Variants in ELMO1 observed in about 807,000 individuals in gnomAD.
The protein encoded by ELMO1 is engulfment and cell motility 1, also known as engulfment and cell motility protein 1.
A neutral mutation model predicts 98.9 loss-of-function variants in ELMO1; 26 were observed. The observed-to-expected ratio is 0.26, with a 90% CI of 0.19 to 0.36. The LOEUF is 0.36. Among genes scored for constraint, ELMO1 ranks in the 10% least tolerant of loss-of-function variants. The pLI is 1.00. For synonymous variants in ELMO1, 346 were observed against 346.0 expected (o/e 1.00, Z 0.00); for missense variants, 627 against 935.2 (o/e 0.67, Z 4.30).
At chr7:37,327,491 G>A (rs1322899608) in intron 2 of ELMO1, among the ~76,000 whole-genome samples, 1 of 152,242 alleles carries the variant, frequency 6.6e-6, no homozygotes, top group Non-Finnish European at 1.5e-5. Context: ...ACAGGACTAT[G>A]AAGGTTTATC....
chr7:37,267,144 T>C (rs191337925), intron 5 of ELMO1, among the ~76,000 whole-genome samples: 29 of 151,654 alleles, frequency 1.9e-4, no homozygotes, highest in Non-Finnish European at 3.2e-4. Flanking sequence ...AGGTAACAGT[T>C]TCTTGTGGGT....
chr7:37,323,125 C>T (rs533980732), intron 2 of ELMO1, among the ~76,000 whole-genome samples: 99 of 152,254 alleles, frequency 6.5e-4, no homozygotes, highest in Non-Finnish European at 1.2e-3. Context: ...CAAAGTCTTT[C>T]TTCACTTTAT....
At chr7:37,259,426 G>C in intron 5 of ELMO1, 76 bp from the exon 6 acceptor site, 1 of 1,521,160 alleles carries the variant, frequency 6.6e-7, no homozygotes, top group Non-Finnish European at 9.0e-7. Context: ...GTTTCAATGA[G>C]GAACAGAGAT....
chr7:37,082,719 T>TCAAACAAACAAACAAA (rs34913326), intron 15 of ELMO1, among the ~76,000 whole-genome samples: 4 of 151,078 alleles, frequency 2.6e-5, no homozygotes, highest in African/African-American at 7.3e-5. Context: ...TGACCCTGTC[T>TCAAACAAACAAACAAA]CAAACAAACA....
At position 36,870,487 on chromosome 7, in the gene ELMO1, A is replaced by G; in HGVS notation, c.1823-12T>C. 6.2e-7 allele frequency: 1 copy of G among 1,612,542 alleles called. No individual in the cohort carries two copies. Among genetic ancestry groups the G allele is most frequent in the Non-Finnish European group, 8.5e-7 (1 of 1,179,518 alleles). On this transcript the variant is annotated splice_polypyrimidine_tract_variant and intron_variant, in intron 19 of 21. Transcript: ENST00000310758. The surrounding 1 kb of genome is among the most constrained non-coding windows in gnomAD (Gnocchi z 4.4). ...ATCTGCCACCGGCACTGCAATTCATAAAAGAAAATGCAAGTAACTACACCA... is the reference window on the plus strand; with the variant it reads ...ATCTGCCACCGGCACTGCAATTCATGAAAGAAAATGCAAGTAACTACACCA...
intron 16 of ELMO1, among the ~76,000 whole-genome samples, chr7:36,931,316 CA>C (rs566755922): frequency 1.8e-4 from 28 of 152,198 alleles, no homozygotes; most frequent in Non-Finnish European, 3.7e-4. Flanking sequence ...ACCTCAGTTT[CA>C]GGCCAGGCAT....
intron 16 of ELMO1, among the ~76,000 whole-genome samples, chr7:36,991,551 A>G (rs1443233532): frequency 6.6e-6 from 1 of 152,244 alleles, no homozygotes; most frequent in Non-Finnish European, 1.5e-5. Context: ...CAAAACCTGA[A>G]CTGAACATAG....
intron 13 of ELMO1, among the ~76,000 whole-genome samples, chr7:37,155,503 A>AAAAAAAAAAAAAAAAAAAAT (rs61189239): frequency 1.5e-5 from 2 of 131,738 alleles, no homozygotes; most frequent in East Asian, 2.2e-4. Context: ...AAAAAAAAAA[A>AAAAAAAAAAAAAAAAAAAAT]AAAAAGCAGG....
intron 16 of ELMO1, among the ~76,000 whole-genome samples, chr7:37,008,179 T>C (rs1023883861): frequency 1.3e-5 from 2 of 152,244 alleles, no homozygotes; most frequent in African/African-American, 4.8e-5. Flanking sequence ...GTAACGCCAA[T>C]GCTAGGAACA....
At chr7:37,004,541 G>A (rs1241660417) in intron 16 of ELMO1, among the ~76,000 whole-genome samples, 2 of 152,178 alleles carry the variant, frequency 1.3e-5, no homozygotes, top group Non-Finnish European at 2.9e-5. Context: ...GTTAGCACGT[G>A]CTACACATGC....
chr7:37,111,533 G>C (rs1470326042), intron 14 of ELMO1, among the ~76,000 whole-genome samples: 1 of 152,182 alleles, frequency 6.6e-6, no homozygotes, highest in Non-Finnish European at 1.5e-5. Flanking sequence ...TTTTGTACTA[G>C]CATACTACCA....
intron 7 of ELMO1, among the ~76,000 whole-genome samples, chr7:37,234,664 T>C (rs1794366978): frequency 6.7e-6 from 1 of 149,246 alleles, no homozygotes; most frequent in Non-Finnish European, 1.5e-5. Flanking sequence ...CTTTCCTCAT[T>C]TATTAAAAAT....
chr7:37,293,338 G>A (rs1299889718), intron 4 of ELMO1, among the ~76,000 whole-genome samples: 1 of 117,914 alleles, frequency 8.5e-6, no homozygotes. Flanking sequence ...GTAGAAAGAG[G>A]TAGACATGGG....
At chr7:36,863,118 G>C (rs975518039) in intron 20 of ELMO1, among the ~76,000 whole-genome samples, 1 of 152,142 alleles carries the variant, frequency 6.6e-6, no homozygotes. Context: ...TCTGAGGATA[G>C]ATCTACCAGC....
At chr7:37,307,032 C>G (rs1326808777) in intron 4 of ELMO1, among the ~76,000 whole-genome samples, 1 of 152,190 alleles carries the variant, frequency 6.6e-6, no homozygotes. Context: ...AGATTGAAAA[C>G]TCTATGGAGA....
chr7:36,959,033 T>TCTA, intron 16 of ELMO1, among the ~76,000 whole-genome samples: 1 of 152,264 alleles, frequency 6.6e-6, no homozygotes, highest in South Asian at 2.1e-4. Flanking sequence ...CTTGCCTGAA[T>TCTA]CTACGTTCCC....
chr7:37,270,114 A>T (rs1329775375), intron 5 of ELMO1: 1 of 152,224 alleles, frequency 6.6e-6, no homozygotes, highest in Non-Finnish European at 1.5e-5. Flanking sequence ...GATAATCAGA[A>T]ACTACAAAAA....
chr7:36,979,528 C>T (rs80180619), intron 16 of ELMO1, among the ~76,000 whole-genome samples: 2,385 of 152,140 alleles, frequency 0.016, 69 homozygotes, highest in African/African-American at 0.055. Flanking sequence ...GAATCTAGGA[C>T]GCGGCTGTCA....
intron 16 of ELMO1, among the ~76,000 whole-genome samples, chr7:36,938,793 T>C (rs928807467): frequency 3.3e-5 from 5 of 151,528 alleles, no homozygotes; most frequent in Admixed American, 2.0e-4. Flanking sequence ...CTACCTAGAA[T>C]GTAAGGTCCA....
Sources: allele counts gnomAD v4.1 joint callset (sites outside exome capture counted in the v4.1 genomes callset), GRCh38; gene constraint gnomAD v4.1.1; non-coding constraint Gnocchi (gnomAD v3.1); transcripts MANE v1.5; gene names NCBI Gene and HGNC (gene_info 2026-07-23, HGNC 2026-07-21).